CNTN2: variants seen among roughly 807,000 people sequenced by gnomAD.
The protein encoded by CNTN2 is contactin-2.
In CNTN2, 53 loss-of-function variants were observed where a neutral mutation model predicts 117.5. That is an observed-to-expected ratio of 0.45 (90% CI 0.36 to 0.57). The LOEUF (loss-of-function observed/expected upper bound fraction) is 0.57. Among genes scored for constraint, CNTN2 ranks in the 20% least tolerant of loss-of-function variants. CNTN2 has a pLI of 0.00. For synonymous variants in CNTN2, 530 were observed against 561.7 expected (o/e 0.94, Z 0.80); for missense variants, 1,106 against 1,404.3 (o/e 0.79, Z 3.39).
intron 14 of CNTN2, 101 bp downstream of exon 14, chr1:205,066,010 G>A (rs915333657): frequency 6.5e-6 from 9 of 1,395,318 alleles, no homozygotes; most frequent in African/African-American, 4.3e-5. Flanking sequence ...CCTCAAAGCT[G>A]CGGGGAAGGG....
At position 205,073,188 on chromosome 1, in the gene CNTN2, C is replaced by A. The variant is rs760418456; in HGVS notation, c.2965C>A (p.Pro989Thr). Residue 989 changes from proline (P) to threonine (T), a missense_variant, in exon 22 of 23, where the codon CCC becomes ACC. Coordinates refer to ENST00000331830, the MANE Select transcript of CNTN2 (RefSeq NM_005076.5). This position sits in a 1 kb window ranked among gnomAD's most constrained non-coding sequence, Gnocchi z 6.3. Reference protein sequence around the residue: ...HALVQIRTTGPGGDGIPAEVH... With the variant: ...HALVQIRTTGTGGDGIPAEVH... The stretch of plus-strand genomic sequence containing the variant: ...CCTGGTACAAATTCGGACCACAGGG[C>A]CCGGAGGGGATGGGATCCCTGCAGA... 7 of 1,613,982 alleles carry A rather than the reference C, an allele frequency of 4.3e-6. No homozygotes were observed. In the South Asian group the frequency reaches 5.5e-5, roughly 13 times the overall value.
At chr1:205,053,403 C>T (rs2096456170) in intron 2 of CNTN2, 148 bp downstream of exon 2, 1 of 577,312 alleles carries the variant, frequency 1.7e-6, no homozygotes, top group Admixed American at 3.7e-5. Context: ...GCTAAAATTT[C>T]CCATTTGTAG....
At position 205,065,706 on chromosome 1, in the gene CNTN2, A is replaced by T; in HGVS notation, c.1696-83A>T. 3.6e-6 allele frequency: 2 copies of T among 558,346 alleles called. No homozygotes were observed. The highest frequency in any genetic ancestry group is 3.3e-6 in the Non-Finnish European group (1 of 307,382). 34.6% of individuals were successfully genotyped at this position (558,346 alleles called of 1,614,324 possible). ...GATGTCATGGAGTAGGGGACTCCCAAGCGCTGCCTCATGTCTCATGGCCTG... is the reference window on the plus strand; with the variant it reads ...GATGTCATGGAGTAGGGGACTCCCATGCGCTGCCTCATGTCTCATGGCCTG... On this transcript the variant is annotated intron_variant, in intron 13 of 22. Transcript: ENST00000331830. The surrounding 1 kb of genome is among the most constrained non-coding windows in gnomAD (Gnocchi z 4.1).
intron 16 of CNTN2, 104 bp downstream of exon 16, chr1:205,067,354 GC>G: frequency 2.9e-6 from 4 of 1,398,354 alleles, no homozygotes; most frequent in Non-Finnish European, 3.9e-6. Flanking sequence ...TTCCAACCCT[GC>G]TCACAGGGTT....
chr1:205,077,531 T>C lies in CNTN2; in HGVS notation c.*3766T>C, dbSNP rs1380510040. 1 of 152,192 alleles carries C rather than the reference T, an allele frequency of 6.6e-6. No individual in the cohort carries two copies. The highest frequency in any genetic ancestry group is 1.5e-5 in the Non-Finnish European group (1 of 68,042). 9.4% of individuals were successfully genotyped at this position (152,192 alleles called of 1,614,324 possible). On this transcript the variant is annotated 3_prime_UTR_variant, in exon 23 of 23. Coordinates refer to ENST00000331830, the MANE Select transcript of CNTN2 (RefSeq NM_005076.5). Reference sequence around the variant, plus strand: ...ATGTGATGGGGATTGCCAGAGAGGCTCTTAGCATAAAAGGCATTAGGTGGG... The same window carrying C: ...ATGTGATGGGGATTGCCAGAGAGGCCCTTAGCATAAAAGGCATTAGGTGGG...
rs890038385 is a variant in CNTN2 at position 205,048,741 on chromosome 1, G to A, written c.-86-4359G>A. Among the ~76,000 whole-genome samples, 8 of 152,158 alleles carry A rather than the reference G, an allele frequency of 5.3e-5. No individual in the cohort carries two copies. Among genetic ancestry groups the A allele is most frequent in the African/African-American group, 1.7e-4 (7 of 41,426 alleles). On this transcript the variant is annotated intron_variant, in intron 1 of 22. Transcript: ENST00000331830. The surrounding 1 kb of genome is among the most constrained non-coding windows in gnomAD (Gnocchi z 4.1). ...CATTCTAGGCTGCACTCGGGCGGTC[G>A]GGGAGCTCTGTAGAGGCAGTAATTT...
At chr1:205,049,273 T>C (rs2096447786) in intron 1 of CNTN2, among the ~76,000 whole-genome samples, 1 of 128,650 alleles carries the variant, frequency 7.8e-6, no homozygotes, top group Admixed American at 8.7e-5. Context: ...GGCTGAGTCC[T>C]CACACCCGAC....
intron 2 of CNTN2, chr1:205,057,466 C>T (rs1653706037): frequency 6.5e-6 from 1 of 153,016 alleles, no homozygotes; most frequent in Admixed American, 6.5e-5. Context: ...TCTGAGGCCC[C>T]AGCATCTTGA....
chr1:205,074,421 G>A lies in CNTN2; in HGVS notation c.*656G>A, dbSNP rs1374895092. On this transcript the variant is annotated 3_prime_UTR_variant, in exon 23 of 23. Coordinates refer to ENST00000331830, the MANE Select transcript of CNTN2 (RefSeq NM_005076.5). The stretch of plus-strand genomic sequence containing the variant: ...GGGGTGATACTCCAGGCTGTTTGGG[G>A]TGGGAGCCAAAAAGAGTTGAGAGGC... The A allele has an allele frequency of 7.5e-6, 3 of 399,342 alleles. No individual in the cohort carries two copies. The highest frequency in any genetic ancestry group is 8.8e-6 in the Non-Finnish European group (2 of 226,436). 24.7% of individuals were successfully genotyped at this position (399,342 alleles called of 1,614,324 possible). A position where few individuals can be genotyped will look rare whatever the true frequency, so the allele number is the denominator to read the frequency against.
At chr1:205,064,137 G>A (rs1461517988) in intron 10 of CNTN2, among the ~76,000 whole-genome samples, 185 bp from the exon 11 acceptor site, 2 of 151,660 alleles carry the variant, frequency 1.3e-5, no homozygotes, top group South Asian at 2.1e-4. Flanking sequence ...GGGGGGGCGC[G>A]TTGTCAATAG....
At chr1:205,062,184 C>A in intron 9 of CNTN2, 183 bp downstream of exon 9, 1 of 877,076 alleles carries the variant, frequency 1.1e-6, no homozygotes, top group Non-Finnish European at 1.7e-6. Flanking sequence ...ACAGGCTAGG[C>A]CTGGATCCAG....
At chr1:205,066,858 T>C (rs1654318531) in intron 15 of CNTN2, among the ~76,000 whole-genome samples, 2 of 152,158 alleles carry the variant, frequency 1.3e-5, no homozygotes, top group Admixed American at 1.3e-4. Context: ...GGATTGTTAC[T>C]GGAGCAATGA....
At position 205,065,362 on chromosome 1, in the gene CNTN2, C is replaced by T; in HGVS notation, c.1695+100C>T. 3.2e-6 allele frequency: 4 copies of T among 1,248,266 alleles called. No individual in the cohort carries two copies. In the South Asian group the frequency reaches 4.2e-5, roughly 13 times the overall value. 77.3% of individuals were successfully genotyped at this position (1,248,266 alleles called of 1,614,324 possible). On this transcript the variant is annotated intron_variant, in intron 13 of 22. Transcript: ENST00000331830. This position sits in a 1 kb window ranked among gnomAD's most constrained non-coding sequence, Gnocchi z 4.1. ...ATCCTCACCTTTAAGAAACCCATAG[C>T]CTAAGCGCCCCCATTCCCTCAGGCC...
In CNTN2 at chr1:205,062,149, T is replaced by C. The variant is rs1191869198; in HGVS notation, c.1110+148T>C. ...GGTGGTCCTAGGACCACCTAAGGAC[T>C]TCTTCCCATCCCAGTCCCATTGTCA... On this transcript the variant is annotated intron_variant, in intron 9 of 22. Coordinates refer to ENST00000331830, the MANE Select transcript of CNTN2 (RefSeq NM_005076.5). 1.2e-5 allele frequency: 12 copies of C among 1,014,500 alleles called. No homozygotes were observed. The Admixed American group carries it at 1.8e-4, about 15-fold the overall frequency. The allele number at this position is 1,014,500 out of a possible 1,614,324, so 62.8% of individuals were successfully genotyped here. A position where few individuals can be genotyped will look rare whatever the true frequency, so the allele number is the denominator to read the frequency against.
chr1:205,066,477 A>G lies in CNTN2; in HGVS notation c.1853A>G (p.Asp618Gly). Residue 618 changes from aspartate (D) to glycine (G), a missense_variant, in exon 15 of 23, where the codon GAC (aspartate) becomes GGC (glycine). Asp to Gly is a moderately conservative substitution (Grantham distance 94, BLOSUM62 -1). Transcript: ENST00000331830. ...CCCCCAGGAGGTGTGGTGGTGAGGG[A>G]CATTGGCGACACCACCATCCAGCTC... ...PGPPGGVVVR[D>G]IGDTTIQLSW... The G allele has an allele frequency of 1.2e-6, 2 of 1,614,004 alleles. No homozygotes were observed. The highest frequency in any genetic ancestry group is 8.5e-7 in the Non-Finnish European group (1 of 1,180,012).
chr1:205,073,364 C>A lies in CNTN2; in HGVS notation c.3013+128C>A. The A allele has an allele frequency of 8.4e-7, 1 of 1,190,180 alleles. No individual in the cohort carries two copies. Among genetic ancestry groups the A allele is most frequent in the South Asian group, 1.5e-5 (1 of 67,904 alleles). 73.7% of individuals were successfully genotyped at this position (1,190,180 alleles called of 1,614,324 possible). A position where few individuals can be genotyped will look rare whatever the true frequency, so the allele number is the denominator to read the frequency against. On this transcript the variant is annotated intron_variant, in intron 22 of 22. Coordinates refer to ENST00000331830, the MANE Select transcript of CNTN2 (RefSeq NM_005076.5). This position sits in a 1 kb window ranked among gnomAD's most constrained non-coding sequence, Gnocchi z 6.3. ...AAGGAAAGTGGAAGGCAGGCAGGAACCAAGTGCAAAGTAGTCTTAGAACTG... is the reference window on the plus strand; with the variant it reads ...AAGGAAAGTGGAAGGCAGGCAGGAAACAAGTGCAAAGTAGTCTTAGAACTG...
Position 205,048,344 on chromosome 1 carries a change from A to G in CNTN2, c.-86-4756A>G, listed in dbSNP as rs1204226477. ...AAACCTTGTCGTGTGTTGGAGCCCC[A>G]CTCATAGCCTTCTGTCCCCCAGCTG... On this transcript the variant is annotated intron_variant, in intron 1 of 22. Transcript: ENST00000331830. The surrounding 1 kb of genome is among the most constrained non-coding windows in gnomAD (Gnocchi z 4.1). Among the ~76,000 whole-genome samples the G allele has an allele frequency of 6.6e-6, 1 of 151,988 alleles. No homozygotes were observed. Among genetic ancestry groups the G allele is most frequent in the Non-Finnish European group, 1.5e-5 (1 of 67,974 alleles).
Position 205,065,254 on chromosome 1 carries a change from A to C in CNTN2, c.1687A>C (p.Thr563Pro), listed in dbSNP as rs1231048875. The C allele has an allele frequency of 6.2e-7, 1 of 1,614,038 alleles. No homozygotes were observed. The highest frequency in any genetic ancestry group is 1.3e-5 in the African/African-American group (1 of 74,924). Residue 563 changes from threonine to proline, a missense_variant, in exon 13 of 23, where the codon ACT becomes CCT. By Grantham distance (38) the Thr-to-Pro change is conservative. Coordinates refer to ENST00000331830, the MANE Select transcript of CNTN2 (RefSeq NM_005076.5). The surrounding 1 kb of genome is among the most constrained non-coding windows in gnomAD (Gnocchi z 4.1). ...FDKPGGHYRR[T>P]NVKETIGDLT... ...TAAGCCTGGAGGGCACTACCGGAGA[A>C]CTAATGTGGTGAGACCTAGGGCCAG...
chr1:205,061,831 C>T lies in CNTN2; in HGVS notation c.974-34C>T. ...TTAATGAGCTGGAAGCTCCTCCTAG[C>T]TCATGCCAGGTTTTCTTTTCCGGGC... On this transcript the variant is annotated intron_variant, in intron 8 of 22. Transcript: ENST00000331830. The surrounding 1 kb of genome is among the most constrained non-coding windows in gnomAD (Gnocchi z 4.8). The T allele has an allele frequency of 6.6e-7, 1 of 1,504,074 alleles. No individual in the cohort carries two copies. The highest frequency in any genetic ancestry group is 1.3e-5 in the South Asian group (1 of 74,114). 93.2% of individuals were successfully genotyped at this position (1,504,074 alleles called of 1,614,324 possible).
Sources: allele counts gnomAD v4.1 joint callset (sites outside exome capture counted in the v4.1 genomes callset), GRCh38; gene constraint gnomAD v4.1.1; non-coding constraint Gnocchi (gnomAD v3.1); transcripts MANE v1.5; gene names NCBI Gene and HGNC (gene_info 2026-07-23, HGNC 2026-07-21).